Variants in PCDH15 observed in about 807,000 individuals in gnomAD.
PCDH15 encodes protocadherin related 15, also known as protocadherin-15.
A neutral mutation model predicts 178.5 loss-of-function variants in PCDH15; 129 were observed. The ratio of observed to expected loss-of-function variants is 0.72; its 90% CI spans 0.63 to 0.84. PCDH15 has a LOEUF of 0.84. Ranked by LOEUF, PCDH15 falls within the 40% of genes least tolerant of loss-of-function variation. PCDH15 has a pLI of 0.00. For missense variants in PCDH15, 2,230 were observed against 2,099.9 expected (o/e 1.06, Z -1.21); for synonymous variants, 800 against 732.0 (o/e 1.09, Z -1.50).
chr10:54,380,411 T>C (rs1007327208), intron 3 of PCDH15, among the ~76,000 whole-genome samples: 1 of 151,426 alleles, frequency 6.6e-6, no homozygotes, highest in Non-Finnish European at 1.5e-5. Flanking sequence ...TTCAAGAATG[T>C]ATATATATTC....
chr10:55,434,180 A>G (rs1009465882), intron 2 of PCDH15, among the ~76,000 whole-genome samples: 1 of 130,850 alleles, frequency 7.6e-6, no homozygotes. Context: ...TCCCGGGTTC[A>G]CGCCATTCTC....
chr10:54,523,525 C>T (rs2083088395), intron 3 of PCDH15, among the ~76,000 whole-genome samples: 1 of 152,062 alleles, frequency 6.6e-6, no homozygotes, highest in South Asian at 2.1e-4. Flanking sequence ...GAAGGGATAG[C>T]AAGTACTTTC....
intron 3 of PCDH15, among the ~76,000 whole-genome samples, chr10:54,863,638 T>C (rs1270678378): frequency 6.6e-6 from 1 of 152,168 alleles, no homozygotes; most frequent in Non-Finnish European, 1.5e-5. Context: ...GAAGAGATAA[T>C]AGCTGCTGTT....
At chr10:54,021,016 T>C (rs191457945) in intron 19 of PCDH15, among the ~76,000 whole-genome samples, 2 of 152,082 alleles carry the variant, frequency 1.3e-5, no homozygotes, top group East Asian at 3.9e-4. Context: ...ACGCACAAGG[T>C]GCTGTAGAGA....
chr10:54,221,930 T>A (rs1226991261), intron 9 of PCDH15, among the ~76,000 whole-genome samples: 1 of 152,208 alleles, frequency 6.6e-6, no homozygotes, highest in Admixed American at 6.5e-5. Context: ...TTCGTAGGTG[T>A]GTCTGGCTTC....
intron 1 of PCDH15, among the ~76,000 whole-genome samples, chr10:54,796,288 A>ATCTATCTG (rs1362217185): frequency 2.1e-5 from 3 of 144,690 alleles, no homozygotes; most frequent in Non-Finnish European, 4.5e-5. Context: ...CTATGTATCT[A>ATCTATCTG]TCTATCTATC....
intron 2 of PCDH15, among the ~76,000 whole-genome samples, chr10:55,161,699 A>G (rs530092009): frequency 2.0e-5 from 3 of 152,134 alleles, no homozygotes; most frequent in East Asian, 1.9e-4. Flanking sequence ...AAATTTTCAT[A>G]TCATTTTCCT....
At chr10:53,808,532 A>G in intron 37 of PCDH15, 1 of 1,432,834 alleles carries the variant, frequency 7.0e-7, no homozygotes, top group South Asian at 1.5e-5. Context: ...ATGGATTTGG[A>G]CAACATATAT....
intron 2 of PCDH15, among the ~76,000 whole-genome samples, chr10:55,075,614 C>A (rs1841869334): frequency 6.6e-6 from 1 of 152,078 alleles, no homozygotes; most frequent in African/African-American, 2.4e-5. Flanking sequence ...CTAGCCGCCT[C>A]AGGCTCCCAA....
chr10:54,858,237 A>T (rs1213453409), intron 3 of PCDH15, among the ~76,000 whole-genome samples: 1 of 152,158 alleles, frequency 6.6e-6, no homozygotes, highest in Non-Finnish European at 1.5e-5. Flanking sequence ...TGTAAATGAC[A>T]ATTTCCTTCT....
intron 3 of PCDH15, among the ~76,000 whole-genome samples, chr10:54,394,164 A>ATG (rs1484816785): frequency 6.6e-6 from 1 of 152,042 alleles, no homozygotes; most frequent in Non-Finnish European, 1.5e-5. Context: ...AAGGCTGATG[A>ATG]TGAGATAGAT....
At chr10:55,225,210 A>G (rs1287109460) in intron 1 of PCDH15, among the ~76,000 whole-genome samples, 1 of 152,100 alleles carries the variant, frequency 6.6e-6, no homozygotes, top group African/African-American at 2.4e-5. Context: ...TAAATGAACA[A>G]GCAACATCTA....
At chr10:54,519,518 C>T (rs564297766) in intron 3 of PCDH15, among the ~76,000 whole-genome samples, 93 of 152,224 alleles carry the variant, frequency 6.1e-4, no homozygotes, top group Non-Finnish European at 1.1e-3. Context: ...ACGTGAAGGA[C>T]CTCTTCAAGG....
At chr10:54,720,711 G>T (rs962235443) in intron 1 of PCDH15, among the ~76,000 whole-genome samples, 7 of 151,946 alleles carry the variant, frequency 4.6e-5, no homozygotes, top group African/African-American at 1.4e-4. Context: ...AAATATATGT[G>T]CATCCAACAC....
intron 15 of PCDH15, among the ~76,000 whole-genome samples, chr10:54,103,063 G>C (rs1312586005): frequency 6.6e-6 from 1 of 152,106 alleles, no homozygotes; most frequent in Non-Finnish European, 1.5e-5. Context: ...TAGTGTAATG[G>C]GATTCTTCCT....
At chr10:54,834,291 G>C (rs144586405) in intron 3 of PCDH15, among the ~76,000 whole-genome samples, 2,047 of 151,674 alleles carry the variant, frequency 0.013, 47 homozygotes, top group African/African-American at 0.047. Flanking sequence ...CCAGGTTCAA[G>C]TGATTCTCCT....
intron 16 of PCDH15, among the ~76,000 whole-genome samples, chr10:54,089,005 A>C (rs1270890668): frequency 6.6e-6 from 1 of 152,232 alleles, no homozygotes; most frequent in Non-Finnish European, 1.5e-5. Context: ...CCTATGAGAT[A>C]AAAATGAAAA....
chr10:54,346,343 T>C, intron 6 of PCDH15, 22 bp downstream of exon 6: 1 of 1,608,740 alleles, frequency 6.2e-7, no homozygotes. Flanking sequence ...GAAAATTACA[T>C]TGCAAATAGG....
chr10:55,162,075 A>G (rs1414277590), intron 2 of PCDH15, among the ~76,000 whole-genome samples: 1 of 152,158 alleles, frequency 6.6e-6, no homozygotes, highest in Non-Finnish European at 1.5e-5. Flanking sequence ...TCAAAACAGC[A>G]GCAAATGTAC....
Sources: allele counts gnomAD v4.1 joint callset (sites outside exome capture counted in the v4.1 genomes callset), GRCh38; gene constraint gnomAD v4.1.1; transcripts MANE v1.5; gene names NCBI Gene and HGNC (gene_info 2026-07-23, HGNC 2026-07-21).